HERC4: variants seen among roughly 807,000 people sequenced by gnomAD.
The protein encoded by HERC4 is HECT and RLD domain containing E3 ubiquitin protein ligase 4, also known as probable E3 ubiquitin-protein ligase HERC4.
In HERC4, 28 loss-of-function variants were observed where a neutral mutation model predicts 124.3. That is an observed-to-expected ratio of 0.23 (90% CI 0.17 to 0.31). The LOEUF is 0.31. Among genes scored for constraint, HERC4 ranks in the 10% least tolerant of loss-of-function variants. The pLI is 1.00. For synonymous variants in HERC4, 407 were observed against 421.5 expected (o/e 0.97, Z 0.42); for missense variants, 713 against 1,229.3 (o/e 0.58, Z 6.28).
In HERC4 at chr10:67,925,164, A is replaced by G; in HGVS notation, c.2862T>C (p.Tyr954=). 6.3e-7 allele frequency: 1 copy of G among 1,595,834 alleles called. No individual in the cohort carries two copies. The highest frequency in any genetic ancestry group is 8.6e-7 in the Non-Finnish European group (1 of 1,163,744). ...LEKNTEYKGE[Y]WAEHPTIKIF... ...TTTTTATCGTAGGATGTTCTGCCCAATATTCCCCTTTGTATTCTGTATTCT... is the reference window on the plus strand; with the variant it reads ...TTTTTATCGTAGGATGTTCTGCCCAGTATTCCCCTTTGTATTCTGTATTCT... The change falls in exon 24 of 25, where the codon TAT becomes TAC. Residue 954 remains tyrosine, a synonymous_variant. Transcript: ENST00000373700.
intron 23 of HERC4, among the ~76,000 whole-genome samples, chr10:67,927,112 C>T (rs537208766): frequency 9.2e-4 from 140 of 152,030 alleles, no homozygotes; most frequent in Non-Finnish European, 1.6e-3. Context: ...TAGTTGCACA[C>T]AAGTTTGAAG....
intron 8 of HERC4, among the ~76,000 whole-genome samples, chr10:68,018,671 A>G (rs1195645386): frequency 6.6e-6 from 1 of 152,186 alleles, no homozygotes; most frequent in Non-Finnish European, 1.5e-5. Context: ...CATGCCAGTG[A>G]TTCCTCAGAA....
rs530334516 is a variant in HERC4, at chr10:67,987,000, T to C, written c.1806+1663A>G. ...GAAAAGGGGCAAAATACCGACTATA[T>C]AGGGTTTTAAAGTTAAATATATCTA... On this transcript the variant is annotated intron_variant, in intron 15 of 24. Coordinates refer to ENST00000373700, the MANE Select transcript of HERC4 (RefSeq NM_015601.4). 4.5e-4 allele frequency among the ~76,000 whole-genome samples: 68 copies of C among 152,272 alleles called. 1 individual carries two copies. The highest frequency in any genetic ancestry group is 1.6e-3 in the Admixed American group (25 of 15,300).
At chr10:68,017,447 A>C (rs1344684501) in intron 8 of HERC4, among the ~76,000 whole-genome samples, 1 of 152,140 alleles carries the variant, frequency 6.6e-6, no homozygotes, top group Non-Finnish European at 1.5e-5. Context: ...TGCACAAGAG[A>C]CCAATACAGA....
At position 68,025,678 on chromosome 10, in the gene HERC4, TA is replaced by T. The variant is rs3834396; in HGVS notation, c.778-3del. 9.3e-6 allele frequency: 15 copies of T among 1,605,454 alleles called. No individual in the cohort carries two copies. In the Admixed American group the frequency reaches 1.2e-4, roughly 13 times the overall value. Reference sequence around the variant, plus strand: ...TCCAAAAGTAAACACTCCACCTTCCTAAAAAAAGACAAAACCCCTTATCATT... The same window carrying T: ...TCCAAAAGTAAACACTCCACCTTCCTAAAAAAGACAAAACCCCTTATCATT... On this transcript the variant is annotated splice_region_variant and splice_polypyrimidine_tract_variant and intron_variant, in intron 7 of 24. Coordinates refer to ENST00000373700, the MANE Select transcript of HERC4 (RefSeq NM_015601.4).
Position 67,954,592 on chromosome 10 carries a change from T to A in HERC4, c.2337+3A>T. ...AAGTAATTTAGATGGTTGGACATTT[T>A]ACCTTATCAGAAAACCAAATGAGCC... On this transcript the variant is annotated splice_donor_region_variant and intron_variant, in intron 19 of 24. Coordinates refer to ENST00000373700, the MANE Select transcript of HERC4 (RefSeq NM_015601.4). 5 of 1,610,154 alleles carry A rather than the reference T, an allele frequency of 3.1e-6. No homozygotes were observed. The highest frequency in any genetic ancestry group is 4.2e-6 in the Non-Finnish European group (5 of 1,177,498).
At chr10:68,039,933 T>C (rs1300990292) in intron 4 of HERC4, 2 of 944,552 alleles carry the variant, frequency 2.1e-6, no homozygotes, top group East Asian at 1.1e-4. Flanking sequence ...GTACTGTATG[T>C]TTTTTCCTTC....
At chr10:68,056,085 A>G (rs1350314229) in intron 3 of HERC4, among the ~76,000 whole-genome samples, 1 of 152,122 alleles carries the variant, frequency 6.6e-6, no homozygotes. Flanking sequence ...ATGTCTATGA[A>G]CTGCTAAAAT....
chr10:67,987,746 G>T (rs117766886), intron 15 of HERC4, among the ~76,000 whole-genome samples: 14,262 of 152,150 alleles, frequency 0.094, 899 homozygotes, highest in Middle Eastern at 0.18. Flanking sequence ...AAGTTAAGTA[G>T]TTGAGAAAAA....
chr10:67,982,537 G>A (rs1325375073), intron 15 of HERC4, among the ~76,000 whole-genome samples: 2 of 152,088 alleles, frequency 1.3e-5, no homozygotes, highest in Non-Finnish European at 2.9e-5. Flanking sequence ...GAAAACATTA[G>A]GGGAAACTCT....
chr10:67,966,553 A>C, intron 16 of HERC4, 130 bp downstream of exon 16: 2 of 782,720 alleles, frequency 2.6e-6, no homozygotes, highest in East Asian at 5.7e-5. Flanking sequence ...GCAATGTGTT[A>C]TTATTTAAAA....
chr10:67,946,005 C>A (rs555828220), intron 19 of HERC4, among the ~76,000 whole-genome samples: 10 of 152,166 alleles, frequency 6.6e-5, no homozygotes, highest in African/African-American at 2.4e-4. Context: ...GCTTACATAG[C>A]ACTTAGTGAG....
At chr10:67,967,944 G>C (rs2034989877) in intron 15 of HERC4, among the ~76,000 whole-genome samples, 1 of 150,870 alleles carries the variant, frequency 6.6e-6, no homozygotes, top group Non-Finnish European at 1.5e-5. Context: ...TAAATTAAAA[G>C]AGACTAGAGG....
intron 5 of HERC4, among the ~76,000 whole-genome samples, chr10:68,036,543 C>A (rs879524524): frequency 2.6e-5 from 4 of 152,092 alleles, no homozygotes; most frequent in Admixed American, 1.3e-4. Context: ...AGTCCAAATT[C>A]CTTAATATGA....
chr10:67,974,037 C>A (rs769871615), intron 15 of HERC4, among the ~76,000 whole-genome samples: 3 of 133,830 alleles, frequency 2.2e-5, no homozygotes, highest in Non-Finnish European at 4.7e-5. Context: ...CAGAGAGAGA[C>A]TCTGTCTCAA....
intron 3 of HERC4, chr10:68,070,367 G>T: frequency 3.8e-6 from 3 of 788,200 alleles, no homozygotes; most frequent in Non-Finnish European, 4.6e-6. Flanking sequence ...AGCACTTCGG[G>T]AGGCCAAGGC....
At chr10:68,051,860 G>C (rs1253485883) in intron 3 of HERC4, among the ~76,000 whole-genome samples, 2 of 148,962 alleles carry the variant, frequency 1.3e-5, no homozygotes, top group East Asian at 4.0e-4. Context: ...TTAGAGGTGG[G>C]GTTTCACTAT....
At chr10:67,924,309 G>A (rs543132663) in intron 24 of HERC4, among the ~76,000 whole-genome samples, 7 of 152,216 alleles carry the variant, frequency 4.6e-5, no homozygotes, top group South Asian at 2.1e-4. Flanking sequence ...GTCACTTAAC[G>A]ATGATGATAT....
At chr10:67,923,812 T>C (rs999038451) in intron 24 of HERC4, among the ~76,000 whole-genome samples, 4 of 151,852 alleles carry the variant, frequency 2.6e-5, no homozygotes, top group South Asian at 2.1e-4. Flanking sequence ...ACAGAAGAAT[T>C]TGACCAAGAT....
Sources: gnomAD v4.1 joint callset for allele counts (sites outside exome capture counted in the v4.1 genomes callset) on GRCh38, gnomAD v4.1.1 for gene constraint, MANE v1.5 for transcripts, NCBI Gene and HGNC (gene_info 2026-07-23, HGNC 2026-07-21) for gene names.